CDC25A: variants seen among roughly 807,000 people sequenced by gnomAD.
CDC25A encodes the protein M-phase inducer phosphatase 1.
Under a neutral mutation model 64.6 loss-of-function variants are expected in CDC25A, and 17 were observed. The observed-to-expected ratio is 0.26, with a 90% CI of 0.18 to 0.39. CDC25A has a LOEUF of 0.39. Among genes scored for constraint, CDC25A ranks in the 10% least tolerant of loss-of-function variants. The pLI is 1.00. For synonymous variants in CDC25A, 229 were observed against 238.6 expected (o/e 0.96, Z 0.37); for missense variants, 473 against 654.8 (o/e 0.72, Z 3.03).
rs960605306 is a variant in CDC25A at position 48,158,618 on chromosome 3, C to A, written c.*327G>T. The stretch of plus-strand genomic sequence containing the variant: ...TTCTCTACTCCCCTCCGTCTCCTCT[C>A]CCCTCATGAGATGGCTGGAGCCCGA... On this transcript the variant is annotated 3_prime_UTR_variant, in exon 15 of 15. Transcript: ENST00000302506. 6.3e-5 allele frequency: 15 copies of A among 237,816 alleles called. No homozygotes were observed. The highest frequency in any genetic ancestry group is 3.3e-4 in the African/African-American group (15 of 45,072). 14.7% of individuals were successfully genotyped at this position (237,816 alleles called of 1,614,324 possible). A position where few individuals can be genotyped will look rare whatever the true frequency, so the allele number is the denominator to read the frequency against.
chr3:48,178,115 C>T lies in CDC25A; in HGVS notation c.550-127G>A. The T allele has an allele frequency of 4.9e-6, 4 of 824,346 alleles. No individual in the cohort carries two copies. The South Asian group carries it at 6.9e-5, about 14-fold the overall frequency. 51.1% of individuals were successfully genotyped at this position (824,346 alleles called of 1,614,324 possible). ...TTGTTATACAAAGCAAAATTTTAGC[C>T]ATTACTGATTATATGAAAATGTATC... On this transcript the variant is annotated intron_variant, in intron 6 of 14. Coordinates refer to ENST00000302506, the MANE Select transcript of CDC25A (RefSeq NM_001789.3).
Position 48,188,024 on chromosome 3 carries a change from G to A in CDC25A, c.-77C>T. On this transcript the variant is annotated 5_prime_UTR_variant, in exon 1 of 15. Coordinates refer to ENST00000302506, the MANE Select transcript of CDC25A (RefSeq NM_001789.3). ...GCGACCGCCCCGCCCCGCCGACACC[G>A]GCCTCGGCCGCGCGCCACCGGCGCC... The A allele has an allele frequency of 8.4e-7, 1 of 1,192,676 alleles. No homozygotes were observed. The highest frequency in any genetic ancestry group is 1.1e-6 in the Non-Finnish European group (1 of 942,550). The allele number at this position is 1,192,676 out of a possible 1,614,324, so 73.9% of individuals were successfully genotyped here. A position where few individuals can be genotyped will look rare whatever the true frequency, so the allele number is the denominator to read the frequency against.
chr3:48,169,378 C>T (rs182350084), intron 9 of CDC25A, among the ~76,000 whole-genome samples: 98 of 152,326 alleles, frequency 6.4e-4, no homozygotes, highest in African/African-American at 2.2e-3. Context: ...GACAAAATCA[C>T]CTATGTGATA....
At chr3:48,162,833 G>A (rs1349965072) in intron 13 of CDC25A, among the ~76,000 whole-genome samples, 1 of 149,480 alleles carries the variant, frequency 6.7e-6, no homozygotes, top group Non-Finnish European at 1.5e-5. Context: ...GGGTGACAGA[G>A]CGAGACTCCG....
rs1471923062 is a variant in CDC25A, at chr3:48,157,732, A to G, written c.*1213T>C. 5 of 152,580 alleles carry G rather than the reference A, an allele frequency of 3.3e-5. No homozygotes were observed. Among genetic ancestry groups the G allele is most frequent in the African/African-American group, 1.2e-4 (5 of 41,428 alleles). The allele number at this position is 152,580 out of a possible 1,614,324, so 9.5% of individuals were successfully genotyped here. A position where few individuals can be genotyped will look rare whatever the true frequency, so the allele number is the denominator to read the frequency against. ...AAATTAAAACATGATAAACCCAGAA[A>G]GTTTTACCTTCAAAATCCACCAAGC... is the stretch of plus-strand genomic sequence containing the variant. On this transcript the variant is annotated 3_prime_UTR_variant, in exon 15 of 15. Coordinates refer to ENST00000302506, the MANE Select transcript of CDC25A (RefSeq NM_001789.3).
intron 9 of CDC25A, among the ~76,000 whole-genome samples, chr3:48,173,204 C>T (rs1254450671): frequency 1.5e-5 from 2 of 133,040 alleles, no homozygotes; most frequent in South Asian, 2.3e-4. Context: ...GGCGACAGAG[C>T]GTCTCAAAAA....
intron 3 of CDC25A, among the ~76,000 whole-genome samples, chr3:48,184,043 A>T (rs1213893895): frequency 6.6e-6 from 1 of 151,968 alleles, no homozygotes; most frequent in Non-Finnish European, 1.5e-5. Context: ...AAACAAACCC[A>T]TGTCTTTTCT....
Position 48,165,716 on chromosome 3 carries a change from C to T in CDC25A, c.1111G>A (p.Gly371Ser). The T allele has an allele frequency of 3.7e-6, 6 of 1,613,568 alleles. No homozygotes were observed. Among genetic ancestry groups the T allele is most frequent in the Non-Finnish European group, 5.1e-6 (6 of 1,179,546 alleles). The change falls in exon 12 of 15, where the codon GGC becomes AGC. Residue 371 changes from glycine to serine, a missense_variant. Around this residue, in one of 2 missense-constraint regions of CDC25A, gnomAD observed 97 missense variants for 223.0 expected, o/e 0.43. Coordinates refer to ENST00000302506, the MANE Select transcript of CDC25A (RefSeq NM_001789.3). ...TCTTTAATGAGGTTGGCAAACTTGC[C>T]ATTCAAAACAGATGCCATCTGTTGA... The part of the protein sequence containing the change: ...SPEIMASVLN[G>S]KFANLIKEFV...
At position 48,157,230 on chromosome 3, in the gene CDC25A, T is replaced by C. The variant is rs2031542215; in HGVS notation, c.*1715A>G. 2 of 152,208 alleles carry C rather than the reference T, an allele frequency of 1.3e-5. No homozygotes were observed. The highest frequency in any genetic ancestry group is 1.3e-4 in the Admixed American group (2 of 15,280). 9.4% of individuals were successfully genotyped at this position (152,208 alleles called of 1,614,324 possible). On this transcript the variant is annotated 3_prime_UTR_variant, in exon 15 of 15. Transcript: ENST00000302506. The stretch of plus-strand genomic sequence containing the variant: ...GCTTCCAACAGTTGGTTAGTAATGC[T>C]AGCTAAGCTGGTATAATCTGAAGGC...
chr3:48,181,567 G>C, intron 5 of CDC25A: 4 of 1,564,928 alleles, frequency 2.6e-6, no homozygotes, highest in Non-Finnish European at 3.5e-6. Context: ...ACTTACTTCA[G>C]ATTGTGCGGG....
rs1035926161 is a variant in CDC25A at position 48,157,237 on chromosome 3, G to C, written c.*1708C>G. ...ACAGTTGGTTAGTAATGCTAGCTAA[G>C]CTGGTATAATCTGAAGGCCATCCCA... On this transcript the variant is annotated 3_prime_UTR_variant, in exon 15 of 15. Transcript: ENST00000302506. 1 of 152,210 alleles carries C rather than the reference G, an allele frequency of 6.6e-6. No individual in the cohort carries two copies. The highest frequency in any genetic ancestry group is 6.6e-5 in the Admixed American group (1 of 15,266). The allele number at this position is 152,210 out of a possible 1,614,324, so 9.4% of individuals were successfully genotyped here. A position where few individuals can be genotyped will look rare whatever the true frequency, so the allele number is the denominator to read the frequency against.
intron 13 of CDC25A, among the ~76,000 whole-genome samples, chr3:48,162,114 T>C (rs1259808348): frequency 6.6e-6 from 1 of 152,148 alleles, no homozygotes; most frequent in Non-Finnish European, 1.5e-5. Context: ...TGAATGAGCA[T>C]CCTTTGGAGA....
At chr3:48,167,424 T>G (rs1443232818) in intron 10 of CDC25A, among the ~76,000 whole-genome samples, 3 of 152,216 alleles carry the variant, frequency 2.0e-5, no homozygotes, top group Non-Finnish European at 4.4e-5. Flanking sequence ...TTTCCCTCAA[T>G]GGCCAAGCTT....
At chr3:48,175,036 C>T (rs574209211) in intron 8 of CDC25A, among the ~76,000 whole-genome samples, 1 of 152,210 alleles carries the variant, frequency 6.6e-6, no homozygotes, top group African/African-American at 2.4e-5. Context: ...CCAGGCTGGG[C>T]GCGGTGGCTC....
At chr3:48,167,423 A>G (rs1388805161) in intron 10 of CDC25A, among the ~76,000 whole-genome samples, 10 of 152,192 alleles carry the variant, frequency 6.6e-5, no homozygotes, top group Admixed American at 5.2e-4. Flanking sequence ...TTTTCCCTCA[A>G]TGGCCAAGCT....
chr3:48,187,495 T>C (rs961430591), intron 1 of CDC25A, among the ~76,000 whole-genome samples: 6 of 152,120 alleles, frequency 3.9e-5, no homozygotes, highest in Non-Finnish European at 5.9e-5. Flanking sequence ...GGGATAGAGA[T>C]AGAAGGAGAG....
intron 9 of CDC25A, among the ~76,000 whole-genome samples, 179 bp downstream of exon 9, chr3:48,174,105 G>A (rs562929390): frequency 6.6e-6 from 1 of 152,158 alleles, no homozygotes; most frequent in Admixed American, 6.6e-5. Flanking sequence ...ACCAGCGTGG[G>A]CAACATCGCT....
chr3:48,158,111 C>G lies in CDC25A; in HGVS notation c.*834G>C, dbSNP rs1365365511. On this transcript the variant is annotated 3_prime_UTR_variant, in exon 15 of 15. Coordinates refer to ENST00000302506, the MANE Select transcript of CDC25A (RefSeq NM_001789.3). Reference sequence around the variant, plus strand: ...TTCCTGACTGTGGCTCCTATACCAGCCAATGTCATGGAACTGGGGTGAGGA... The same window carrying G: ...TTCCTGACTGTGGCTCCTATACCAGGCAATGTCATGGAACTGGGGTGAGGA... 6.6e-6 allele frequency: 1 copy of G among 152,504 alleles called. No individual in the cohort carries two copies. The highest frequency in any genetic ancestry group is 1.9e-4 in the East Asian group (1 of 5,172). The allele number at this position is 152,504 out of a possible 1,614,324, so 9.4% of individuals were successfully genotyped here.
chr3:48,182,595 T>A (rs999518579), intron 5 of CDC25A, among the ~76,000 whole-genome samples: 3 of 152,196 alleles, frequency 2.0e-5, no homozygotes. Context: ...AAACACTATT[T>A]GTACATGTAA....
Sources: allele counts gnomAD v4.1 joint callset (sites outside exome capture counted in the v4.1 genomes callset), GRCh38; gene constraint gnomAD v4.1.1; regional missense constraint gnomAD v4.1.1; transcripts MANE v1.5; gene names NCBI Gene and HGNC (gene_info 2026-07-23, HGNC 2026-07-21).